CRYBG1: variants seen among roughly 807,000 people sequenced by gnomAD.
The protein encoded by CRYBG1 is beta/gamma crystallin domain-containing protein 1.
In CRYBG1, 139 loss-of-function variants were observed where a neutral mutation model predicts 189.2. That is an observed-to-expected ratio of 0.73 (90% CI 0.64 to 0.85). The LOEUF (loss-of-function observed/expected upper bound fraction) is 0.85, where lower values mean the gene tolerates loss of function less well. Ranked by LOEUF, CRYBG1 falls within the 40% of genes least tolerant of loss-of-function variation. The pLI is 0.00. For missense variants in CRYBG1, 2,611 were observed against 2,675.8 expected (o/e 0.98, Z 0.53); for synonymous variants, 1,023 against 1,017.1 (o/e 1.01, Z -0.11).
At chr6:106,555,621 T>C (rs576998179) in intron 16 of CRYBG1, 147 bp from the exon 17 acceptor site, 4 of 1,009,460 alleles carry the variant, frequency 4.0e-6, no homozygotes, top group Non-Finnish European at 5.8e-6. Flanking sequence ...ATGCAATAAA[T>C]ATATCCAAAT....
intron 2 of CRYBG1, among the ~76,000 whole-genome samples, chr6:106,505,722 A>AT (rs34498308): frequency 0.49 from 71,606 of 147,464 alleles, 17,302 homozygotes; most frequent in Non-Finnish European, 0.52. Context: ...AACTCATGCT[A>AT]TTTTTTTTTT....
At chr6:106,536,351 G>T (rs1483960405) in intron 8 of CRYBG1, among the ~76,000 whole-genome samples, 1 of 152,202 alleles carries the variant, frequency 6.6e-6, no homozygotes, top group Non-Finnish European at 1.5e-5. Flanking sequence ...CTTGGTTAAA[G>T]TGGTGCCTCC....
chr6:106,386,598 C>G (rs1770393995), intron 1 of CRYBG1, among the ~76,000 whole-genome samples: 1 of 148,606 alleles, frequency 6.7e-6, no homozygotes, highest in African/African-American at 2.5e-5. Flanking sequence ...CATCACTGCC[C>G]CAGCTCCACC....
At chr6:106,393,276 G>A (rs1770543660) in intron 1 of CRYBG1, among the ~76,000 whole-genome samples, 1 of 152,180 alleles carries the variant, frequency 6.6e-6, no homozygotes, top group Non-Finnish European at 1.5e-5. Context: ...AATCAATGAT[G>A]CACAGGGGGT....
intron 2 of CRYBG1, among the ~76,000 whole-genome samples, chr6:106,501,903 G>A (rs1346814080): frequency 6.6e-6 from 1 of 152,166 alleles, no homozygotes; most frequent in Admixed American, 6.5e-5. Context: ...TTACAAACAT[G>A]GCTAAACTGA....
intron 1 of CRYBG1, among the ~76,000 whole-genome samples, chr6:106,374,283 G>A (rs1184903412): frequency 1.3e-5 from 2 of 152,174 alleles, no homozygotes; most frequent in East Asian, 3.8e-4. Flanking sequence ...GCCTGGCACG[G>A]TGGCTCATGC....
intron 2 of CRYBG1, among the ~76,000 whole-genome samples, chr6:106,472,084 A>T (rs371944408): frequency 2.0e-5 from 3 of 152,354 alleles, no homozygotes; most frequent in East Asian, 1.9e-4. Context: ...AAAATATCAC[A>T]GTATCCTATT....
chr6:106,389,839 G>T (rs1281622276), intron 1 of CRYBG1, among the ~76,000 whole-genome samples: 1 of 151,960 alleles, frequency 6.6e-6, no homozygotes, highest in African/African-American at 2.4e-5. Context: ...ATAGTGAGAG[G>T]CAGGTTTCTG....
intron 13 of CRYBG1, among the ~76,000 whole-genome samples, chr6:106,551,082 C>A (rs1034327107): frequency 6.6e-6 from 1 of 151,930 alleles, no homozygotes; most frequent in East Asian, 1.9e-4. Flanking sequence ...TACGGTTGAA[C>A]CCGTCAACCT....
At chr6:106,478,114 C>CA (rs561653076) in intron 2 of CRYBG1, among the ~76,000 whole-genome samples, 2 of 152,236 alleles carry the variant, frequency 1.3e-5, no homozygotes, top group Admixed American at 1.3e-4. Flanking sequence ...TGGTTTCCAC[C>CA]ACTGCTCCTT....
chr6:106,437,106 C>A (rs1346222317), intron 1 of CRYBG1, among the ~76,000 whole-genome samples: 1 of 152,116 alleles, frequency 6.6e-6, no homozygotes, highest in Non-Finnish European at 1.5e-5. Context: ...AACAGAGAGA[C>A]CCACTTCTCT....
In CRYBG1 at chr6:106,519,958, G is replaced by T. The variant is rs61734885; in HGVS notation, c.2750G>T (p.Arg917Leu). The change falls in exon 4 of 22, where the codon CGT (arginine) becomes CTT (leucine). Residue 917 changes from arginine (R) to leucine (L), a missense_variant. Transcript: ENST00000633556. ...AAAGGATGTGTTTTGCCTGTGTCTC[G>T]TCAGAACAATGAGAAAATGCCACTT... is the stretch of plus-strand genomic sequence containing the variant. The part of the protein sequence containing the change: ...NHKGCVLPVS[R>L]QNNEKMPLLE... 2.5e-6 allele frequency: 4 copies of T among 1,613,984 alleles called. No individual in the cohort carries two copies. The African/African-American group carries it at 5.3e-5, about 22-fold the overall frequency.
intron 1 of CRYBG1, among the ~76,000 whole-genome samples, chr6:106,412,905 C>G (rs1009276613): frequency 6.7e-6 from 1 of 148,704 alleles, no homozygotes; most frequent in Non-Finnish European, 1.5e-5. Context: ...CATGGTTACC[C>G]AGGCATCTGT....
chr6:106,397,089 G>A (rs915283046), intron 1 of CRYBG1, among the ~76,000 whole-genome samples: 1 of 152,210 alleles, frequency 6.6e-6, no homozygotes, highest in Admixed American at 6.5e-5. Flanking sequence ...ATTTTTCCAA[G>A]TGTCTTTTAC....
At position 106,433,301 on chromosome 6, in the gene CRYBG1, A is replaced by C. The variant is rs190749410; in HGVS notation, c.174-18393A>C. 2.0e-5 allele frequency among the ~76,000 whole-genome samples: 3 copies of C among 152,338 alleles called. No individual in the cohort carries two copies. The East Asian group carries it at 5.8e-4, about 29-fold the overall frequency. ...ATAAAGTGCTACACAAATATAAGACAATCTTCATACTGTGCACCTCTTCTG... is the reference window on the plus strand; with the variant it reads ...ATAAAGTGCTACACAAATATAAGACCATCTTCATACTGTGCACCTCTTCTG... On this transcript the variant is annotated intron_variant, in intron 1 of 21. Transcript: ENST00000633556.
intron 2 of CRYBG1, among the ~76,000 whole-genome samples, chr6:106,492,983 T>G (rs1007070867): frequency 2.0e-5 from 3 of 152,062 alleles, no homozygotes; most frequent in African/African-American, 7.2e-5. Flanking sequence ...TTTTTTTTTT[T>G]TTACTTTTAG....
At chr6:106,472,259 A>G (rs1448058761) in intron 2 of CRYBG1, among the ~76,000 whole-genome samples, 1 of 152,184 alleles carries the variant, frequency 6.6e-6, no homozygotes, top group Non-Finnish European at 1.5e-5. Context: ...TCATGAACAC[A>G]AAGTGTATGT....
chr6:106,378,039 G>T (rs1050655044), intron 1 of CRYBG1, among the ~76,000 whole-genome samples: 1 of 152,178 alleles, frequency 6.6e-6, no homozygotes, highest in East Asian at 1.9e-4. Context: ...TAACCAGCCT[G>T]TTGAGTGGCT....
intron 13 of CRYBG1, among the ~76,000 whole-genome samples, chr6:106,547,806 C>T (rs1205451103): frequency 6.6e-6 from 1 of 152,134 alleles, no homozygotes; most frequent in Admixed American, 6.5e-5. Flanking sequence ...AGGAAGGATG[C>T]CCATGAAACC....
Sources: allele counts gnomAD v4.1 joint callset (sites outside exome capture counted in the v4.1 genomes callset), GRCh38; gene constraint gnomAD v4.1.1; transcripts MANE v1.5; gene names NCBI Gene and HGNC (gene_info 2026-07-23, HGNC 2026-07-21).